Variants in PGM5 observed in about 807,000 individuals in gnomAD.
PGM5 encodes the protein phosphoglucomutase 5, also known as phosphoglucomutase-like protein 5.
A neutral mutation model predicts 59.2 loss-of-function variants in PGM5; 23 were observed. The ratio of observed to expected loss-of-function variants is 0.39; its 90% CI spans 0.28 to 0.55. PGM5 has a LOEUF of 0.55. Among genes scored for constraint, PGM5 ranks in the 20% least tolerant of loss-of-function variants. The pLI is 0.66. For missense variants in PGM5, 574 were observed against 748.3 expected (o/e 0.77, Z 2.72); for synonymous variants, 214 against 286.0 (o/e 0.75, Z 2.54).
chr9:68,480,698 C>G (rs75384597), intron 8 of PGM5, among the ~76,000 whole-genome samples: 1 of 118,210 alleles, frequency 8.5e-6, no homozygotes. Flanking sequence ...GACTCCATCT[C>G]AAAAAAAAAA....
In PGM5 at chr9:68,483,880, G is replaced by A. The variant is rs1564017971; in HGVS notation, c.1311G>A (p.Gly437=). ...TCCTCACCAGGTTTGACTATGAGGG[G>A]TTGGATCCCAAGACGACATATTATA... ...RHYYCRFDYE[G]LDPKTTYYIM... The change falls in exon 9 of 11, where the codon GGG becomes GGA. Residue 437 remains glycine, a synonymous_variant. Transcript: ENST00000396396. The A allele has an allele frequency of 6.2e-7, 1 of 1,614,108 alleles. No individual in the cohort carries two copies. The highest frequency in any genetic ancestry group is 8.5e-7 in the Non-Finnish European group (1 of 1,179,984).
Position 68,512,563 on chromosome 9 carries a change from C to A in PGM5, c.1614+13202C>A, listed in dbSNP as rs570429831. Among the ~76,000 whole-genome samples the A allele has an allele frequency of 3.9e-5, 6 of 152,256 alleles. No individual in the cohort carries two copies. In the South Asian group the frequency reaches 1.2e-3, roughly 32 times the overall value. On this transcript the variant is annotated intron_variant, in intron 10 of 10. Coordinates refer to ENST00000396396, the MANE Select transcript of PGM5 (RefSeq NM_021965.4). ...CTCTTTTTGGCTCATAGATGGCTGT[C>A]TTTTCCCTGTATCTCTTCATTATCA...
chr9:68,447,380 C>T (rs1326830510), intron 6 of PGM5, among the ~76,000 whole-genome samples: 3 of 152,088 alleles, frequency 2.0e-5, no homozygotes, highest in Admixed American at 6.5e-5. Context: ...ATCCTTCCTG[C>T]GCTGTACCAT....
intron 6 of PGM5, among the ~76,000 whole-genome samples, chr9:68,438,286 CAAAA>C (rs34047393): frequency 8.9e-4 from 31 of 34,826 alleles, no homozygotes; most frequent in South Asian, 5.3e-3. Context: ...GAGACTCTGT[CAAAA>C]AAAAAAAAAA....
At chr9:68,506,238 G>C (rs1243406908) in intron 10 of PGM5, among the ~76,000 whole-genome samples, 1 of 152,168 alleles carries the variant, frequency 6.6e-6, no homozygotes, top group Non-Finnish European at 1.5e-5. Flanking sequence ...AATCACAGTG[G>C]CTGAGTTTCA....
chr9:68,508,891 C>G (rs1478015020), intron 10 of PGM5, among the ~76,000 whole-genome samples: 1 of 152,172 alleles, frequency 6.6e-6, no homozygotes, highest in Admixed American at 6.5e-5. Flanking sequence ...CCTTGGTGTA[C>G]AGTAAATAAT....
chr9:68,523,346 C>A (rs1824926480), intron 10 of PGM5, among the ~76,000 whole-genome samples: 1 of 152,204 alleles, frequency 6.6e-6, no homozygotes, highest in African/African-American at 2.4e-5. Flanking sequence ...AATGTCAGTT[C>A]TTGGGCCCCA....
intron 6 of PGM5, among the ~76,000 whole-genome samples, chr9:68,403,143 C>T (rs11141414): frequency 0.35 from 53,278 of 150,502 alleles, 9,040 homozygotes; most frequent in Middle Eastern, 0.42. Context: ...ATGAGTGCCA[C>T]CTCCTGTCAG....
intron 6 of PGM5, chr9:68,405,104 A>G (rs1200632806): frequency 3.9e-5 from 6 of 152,232 alleles, no homozygotes; most frequent in Non-Finnish European, 8.8e-5. Context: ...AAGATGGAAG[A>G]CAAAGCTTTT....
intron 7 of PGM5, chr9:68,466,190 A>G: frequency 7.7e-7 from 1 of 1,296,110 alleles, no homozygotes; most frequent in Non-Finnish European, 1.0e-6. Flanking sequence ...GAACATCTTT[A>G]AGTTCACTGA....
rs550499522 is a variant in PGM5, at chr9:68,404,997, C to T, written c.1043+12524C>T. On this transcript the variant is annotated intron_variant, in intron 6 of 10. Transcript: ENST00000396396. ...GTCTGCTTTGCCTTAGATGGTATCA[C>T]TCTTATCCCTAGGCTCTGAGCCTCT... 420 of 152,378 alleles carry T rather than the reference C, an allele frequency of 2.8e-3. 1 individual carries two copies. Among genetic ancestry groups the T allele is most frequent in the African/African-American group, 9.8e-3 (406 of 41,578 alleles). The allele number at this position is 152,378 out of a possible 1,614,324, so 9.4% of individuals were successfully genotyped here.
intron 6 of PGM5, among the ~76,000 whole-genome samples, chr9:68,408,145 G>T (rs1337014325): frequency 6.6e-6 from 1 of 152,182 alleles, no homozygotes; most frequent in African/African-American, 2.4e-5. Flanking sequence ...ATCAAATCAG[G>T]TGGGTGTTAG....
At chr9:68,424,735 G>A (rs1823205047) in intron 6 of PGM5, among the ~76,000 whole-genome samples, 1 of 152,200 alleles carries the variant, frequency 6.6e-6, no homozygotes, top group Non-Finnish European at 1.5e-5. Context: ...TGATTCTCCA[G>A]TAAGGACTAC....
At chr9:68,502,675 GTATT>G (rs1386911440) in intron 10 of PGM5, among the ~76,000 whole-genome samples, 2 of 150,360 alleles carry the variant, frequency 1.3e-5, no homozygotes, top group Non-Finnish European at 3.0e-5. Context: ...AGGAATTTAA[GTATT>G]TGTTTGTTTG....
chr9:68,512,798 C>T (rs1824769784), intron 10 of PGM5, among the ~76,000 whole-genome samples: 1 of 152,156 alleles, frequency 6.6e-6, no homozygotes, highest in African/African-American at 2.4e-5. Flanking sequence ...TAATATTAGT[C>T]GTATGGTCTG....
At chr9:68,371,643 G>A (rs1480101703) in intron 1 of PGM5, 12 of 143,436 alleles carry the variant, frequency 8.4e-5, no homozygotes, top group East Asian at 2.1e-4. Context: ...GAAGTTAAAT[G>A]ATTGATCCTA....
At chr9:68,481,203 T>A (rs1824191635) in intron 8 of PGM5, among the ~76,000 whole-genome samples, 1 of 152,200 alleles carries the variant, frequency 6.6e-6, no homozygotes, top group Non-Finnish European at 1.5e-5. Context: ...TATCAGAGAA[T>A]AAGGAAGCCC....
At chr9:68,432,587 T>TC (rs879956557) in intron 6 of PGM5, among the ~76,000 whole-genome samples, 2 of 152,056 alleles carry the variant, frequency 1.3e-5, no homozygotes, top group Non-Finnish European at 2.9e-5. Flanking sequence ...GTCATGAATA[T>TC]CCATGTCAGA....
intron 6 of PGM5, among the ~76,000 whole-genome samples, chr9:68,416,887 A>G (rs1823041373): frequency 6.6e-6 from 1 of 152,266 alleles, no homozygotes; most frequent in Non-Finnish European, 1.5e-5. Flanking sequence ...TTGAGAAAAG[A>G]CACTGATAAA....
Sources: gnomAD v4.1 joint callset for allele counts (sites outside exome capture counted in the v4.1 genomes callset) on GRCh38, gnomAD v4.1.1 for gene constraint, MANE v1.5 for transcripts, NCBI Gene and HGNC (gene_info 2026-07-23, HGNC 2026-07-21) for gene names.